Variants in SLC11A2 observed in about 807,000 individuals in gnomAD.
SLC11A2 encodes natural resistance-associated macrophage protein 2.
SLC11A2 carries 38 observed loss-of-function variants against 68.0 expected under a neutral mutation model. The ratio of observed to expected loss-of-function variants is 0.56; its 90% CI spans 0.43 to 0.73. The LOEUF is 0.73. Among genes scored for constraint, SLC11A2 ranks in the 30% least tolerant of loss-of-function variants. SLC11A2 has a pLI of 0.00. For synonymous variants in SLC11A2, 242 were observed against 250.6 expected (o/e 0.97, Z 0.32); for missense variants, 517 against 690.5 (o/e 0.75, Z 2.82).
chr12:51,020,687 G>A (rs1226234644), intron 1 of SLC11A2, among the ~76,000 whole-genome samples: 1 of 152,130 alleles, frequency 6.6e-6, no homozygotes, highest in Non-Finnish European at 1.5e-5. Context: ...AACAACTGCA[G>A]ATCAAAAAGA....
chr12:50,993,144 C>T (rs1350087775), intron 11 of SLC11A2: 12 of 562,330 alleles, frequency 2.1e-5, no homozygotes, highest in Non-Finnish European at 3.2e-6. Flanking sequence ...CGTTTCTCTG[C>T]CTAGTCCTTT....
intron 3 of SLC11A2, 174 bp downstream of exon 3, chr12:51,008,302 G>A (rs1490705745): frequency 2.1e-6 from 1 of 472,738 alleles, no homozygotes; most frequent in Non-Finnish European, 3.8e-6. Context: ...ATATAGATGG[G>A]GTGTGTGTGT....
At chr12:50,964,583 G>A in the SLC11A2 span, among the ~76,000 whole-genome samples, 1 of 152,156 alleles carries the variant, frequency 6.6e-6, no homozygotes, top group Non-Finnish European at 1.5e-5. Context: ...TATGACATAC[G>A]GCTGGAGAGT....
At chr12:51,017,310 C>T (rs959557734) in intron 1 of SLC11A2, among the ~76,000 whole-genome samples, 10 of 152,238 alleles carry the variant, frequency 6.6e-5, no homozygotes, top group South Asian at 2.1e-4. Flanking sequence ...ATAAATAAGA[C>T]GATCTATCAT....
In SLC11A2 at chr12:50,986,642, T is replaced by A; in HGVS notation, c.*1683A>T. On this transcript the variant is annotated 3_prime_UTR_variant, in exon 16 of 16. Transcript: ENST00000262052. ...GAGAGCTTAAGATGTCAGTCCCCAA[T>A]ATCTTCACAGAGTGCCTTTATGACC... 7.8e-7 allele frequency: 1 copy of A among 1,286,776 alleles called. No homozygotes were observed. Among genetic ancestry groups the A allele is most frequent in the Non-Finnish European group, 1.0e-6 (1 of 988,490 alleles). 79.7% of individuals were successfully genotyped at this position (1,286,776 alleles called of 1,614,324 possible).
intron 8 of SLC11A2, 77 bp from the exon 9 acceptor site, chr12:50,997,049 C>T: frequency 8.9e-7 from 1 of 1,124,670 alleles, no homozygotes; most frequent in Non-Finnish European, 1.4e-6. Context: ...GAACAGTTAG[C>T]ATCCTTTATC....
At chr12:50,965,785 G>A in the SLC11A2 span, among the ~76,000 whole-genome samples, 42 of 152,180 alleles carry the variant, frequency 2.8e-4, no homozygotes, top group African/African-American at 1.0e-3. Flanking sequence ...AATGAGCACA[G>A]GTCCCCTTTG....
intron 15 of SLC11A2, among the ~76,000 whole-genome samples, chr12:50,989,809 G>C (rs1940965122): frequency 6.6e-6 from 1 of 152,158 alleles, no homozygotes; most frequent in Non-Finnish European, 1.5e-5. Flanking sequence ...TGGCACACTG[G>C]TGTGGGGAAG....
intron 1 of SLC11A2, among the ~76,000 whole-genome samples, chr12:51,023,398 G>GTT (rs1944171417): frequency 6.6e-6 from 1 of 152,208 alleles, no homozygotes; most frequent in African/African-American, 2.4e-5. Flanking sequence ...AGTGAACCAA[G>GTT]ACTGAACCAC....
At chr12:51,019,552 T>C (rs536730804) in intron 1 of SLC11A2, among the ~76,000 whole-genome samples, 1 of 152,310 alleles carries the variant, frequency 6.6e-6, no homozygotes, top group Admixed American at 6.5e-5. Context: ...AATCACTTTT[T>C]TAAAATAAGA....
chr12:50,989,871 G>A (rs1940969353), intron 15 of SLC11A2, among the ~76,000 whole-genome samples: 1 of 152,168 alleles, frequency 6.6e-6, no homozygotes, highest in Admixed American at 6.6e-5. Context: ...GCCATTCTCT[G>A]CAGCAAAAAT....
the SLC11A2 span, chr12:50,954,167 G>A: frequency 1.2e-6 from 1 of 860,154 alleles, no homozygotes. Context: ...TTTGCGGATT[G>A]AAATGTTTCT....
the SLC11A2 span, among the ~76,000 whole-genome samples, chr12:50,954,571 T>C: frequency 2.2e-4 from 33 of 152,310 alleles, no homozygotes; most frequent in Non-Finnish European, 4.4e-4. Flanking sequence ...TAAAAACTTC[T>C]GCTTCTAGGC....
Position 50,988,189 on chromosome 12 carries a change from A to C in SLC11A2, c.*136T>G. 6.5e-7 allele frequency: 1 copy of C among 1,549,624 alleles called. No individual in the cohort carries two copies. Among genetic ancestry groups the C allele is most frequent in the African/African-American group, 1.4e-5 (1 of 73,258 alleles). On this transcript the variant is annotated 3_prime_UTR_variant, in exon 16 of 16. Coordinates refer to ENST00000262052, the MANE Select transcript of SLC11A2 (RefSeq NM_000617.3). ...TCCATCTTTCAAATACACATGAAAC[A>C]AAGTCTTTTCCAACCAACGGTTGAG...
chr12:50,994,907 G>A, intron 10 of SLC11A2: 1 of 429,506 alleles, frequency 2.3e-6, no homozygotes, highest in Non-Finnish European at 4.3e-6. Context: ...GACAAGAGGA[G>A]AGGCTCTGAA....
chr12:50,976,520 A>T (rs1199940006), downstream of SLC11A2, among the ~76,000 whole-genome samples: 4 of 152,174 alleles, frequency 2.6e-5, no homozygotes, highest in Non-Finnish European at 5.9e-5. Context: ...TTTATGACAA[A>T]CCCACAGCCA....
downstream of SLC11A2, chr12:50,981,656 C>G (rs116261248): frequency 2.0e-6 from 2 of 986,318 alleles, no homozygotes; most frequent in South Asian, 2.7e-5. Context: ...CTAACAGAGA[C>G]GTTAACGGGA....
downstream of SLC11A2, among the ~76,000 whole-genome samples, chr12:50,983,419 T>C (rs929177615): frequency 2.0e-5 from 3 of 152,222 alleles, no homozygotes; most frequent in Admixed American, 6.5e-5. Context: ...TAGTGTAATA[T>C]AAAGGCACTG....
At chr12:50,959,250 G>C in the SLC11A2 span, among the ~76,000 whole-genome samples, 1 of 151,952 alleles carries the variant, frequency 6.6e-6, no homozygotes, top group Non-Finnish European at 1.5e-5. Flanking sequence ...CTCCTGAGTA[G>C]CTGGGATTAC....
Sources: gnomAD v4.1 joint callset for allele counts (sites outside exome capture counted in the v4.1 genomes callset) on GRCh38, gnomAD v4.1.1 for gene constraint, MANE v1.5 for transcripts, NCBI Gene and HGNC (gene_info 2026-07-23, HGNC 2026-07-21) for gene names.